Variants in DPP10 observed in about 807,000 individuals in gnomAD.
The protein encoded by DPP10 is inactive dipeptidyl peptidase 10.
DPP10 carries 33 observed loss-of-function variants against 120.9 expected under a neutral mutation model. The observed-to-expected ratio is 0.27, with a 90% CI of 0.21 to 0.37. The LOEUF (loss-of-function observed/expected upper bound fraction) is 0.37, where lower values mean the gene tolerates loss of function less well. Ranked by LOEUF, DPP10 falls within the 10% of genes least tolerant of loss-of-function variation. DPP10 has a pLI of 1.00. For missense variants in DPP10, 816 were observed against 942.8 expected (o/e 0.87, Z 1.76); for synonymous variants, 337 against 326.1 (o/e 1.03, Z -0.36).
chr2:115,512,397 C>T (rs2077281095), intron 4 of DPP10, among the ~76,000 whole-genome samples: 1 of 152,084 alleles, frequency 6.6e-6, no homozygotes, highest in Non-Finnish European at 1.5e-5. Flanking sequence ...CGCACATGGC[C>T]TAAGATTACA....
chr2:115,119,003 A>G (rs1354425122), intron 1 of DPP10, among the ~76,000 whole-genome samples: 1 of 152,176 alleles, frequency 6.6e-6, no homozygotes, highest in African/African-American at 2.4e-5. Context: ...GAAGAGGGTC[A>G]AGCAGGCAAC....
intron 2 of DPP10, among the ~76,000 whole-genome samples, chr2:115,334,485 GATT>G (rs1432690372): frequency 6.6e-6 from 1 of 151,320 alleles, no homozygotes; most frequent in Non-Finnish European, 1.5e-5. Flanking sequence ...TTGAACTATA[GATT>G]ATTATTTTTC....
intron 1 of DPP10, among the ~76,000 whole-genome samples, chr2:115,106,481 CA>C (rs1159479827): frequency 2.0e-5 from 3 of 152,116 alleles, no homozygotes; most frequent in Non-Finnish European, 4.4e-5. Context: ...TTTATTGAGA[CA>C]GGGGTCATGC....
intron 1 of DPP10, among the ~76,000 whole-genome samples, chr2:114,723,186 G>T (rs572373927): frequency 6.6e-6 from 1 of 152,180 alleles, no homozygotes; most frequent in African/African-American, 2.4e-5. Context: ...ATTAGGAAAG[G>T]TATGAACAAT....
chr2:114,564,471 A>T (rs1689048006), intron 1 of DPP10, among the ~76,000 whole-genome samples: 1 of 152,188 alleles, frequency 6.6e-6, no homozygotes. Context: ...TTTCATATTG[A>T]TTCTCATTAA....
At chr2:115,687,786 G>C (rs764922555) in intron 5 of DPP10, among the ~76,000 whole-genome samples, 6 of 152,030 alleles carry the variant, frequency 3.9e-5, no homozygotes, top group Non-Finnish European at 7.4e-5. Context: ...TGCAGAAAGA[G>C]ACCAAGATTC....
intron 1 of DPP10, among the ~76,000 whole-genome samples, chr2:114,751,270 A>G (rs1019525848): frequency 1.3e-5 from 2 of 152,218 alleles, no homozygotes; most frequent in East Asian, 1.9e-4. Context: ...ACTAAGCTTG[A>G]AGGTTCTGCA....
chr2:114,720,693 A>C (rs986994552), intron 1 of DPP10, among the ~76,000 whole-genome samples: 1 of 152,198 alleles, frequency 6.6e-6, no homozygotes, highest in African/African-American at 2.4e-5. Flanking sequence ...AGTAGAAATG[A>C]CTAGTGCTCA....
chr2:115,525,867 A>T (rs769578425), intron 4 of DPP10, 31 bp from the exon 5 acceptor site: 2 of 1,537,780 alleles, frequency 1.3e-6, no homozygotes, highest in Non-Finnish European at 1.8e-6. Flanking sequence ...AGAAGTTTTT[A>T]AATATAACTG....
intron 1 of DPP10, among the ~76,000 whole-genome samples, chr2:115,305,096 C>T (rs895273254): frequency 3.3e-5 from 5 of 152,132 alleles, no homozygotes; most frequent in Admixed American, 2.6e-4. Flanking sequence ...GGCTCATTTA[C>T]AAAAGTAGCA....
At chr2:114,629,151 T>C (rs541899298) in intron 1 of DPP10, among the ~76,000 whole-genome samples, 1 of 152,212 alleles carries the variant, frequency 6.6e-6, no homozygotes, top group East Asian at 1.9e-4. Flanking sequence ...GATGGCACCA[T>C]ATCCTCGTTG....
chr2:115,177,999 G>A (rs1201233877), intron 1 of DPP10, among the ~76,000 whole-genome samples: 1 of 152,060 alleles, frequency 6.6e-6, no homozygotes, highest in Non-Finnish European at 1.5e-5. Flanking sequence ...TCCTGACCTC[G>A]TGATCCACCT....
At chr2:115,213,981 A>G (rs2056668664) in intron 1 of DPP10, among the ~76,000 whole-genome samples, 2 of 152,304 alleles carry the variant, frequency 1.3e-5, no homozygotes, top group African/African-American at 2.4e-5. Context: ...GCTTTTTTTA[A>G]CCCATAAAAT....
intron 1 of DPP10, among the ~76,000 whole-genome samples, chr2:115,055,080 T>C (rs537030814): frequency 4.6e-5 from 7 of 152,340 alleles, no homozygotes; most frequent in Non-Finnish European, 8.8e-5. Context: ...TGTTGTTTAT[T>C]TGTATGGTGC....
chr2:114,612,826 A>C (rs1378877607), intron 1 of DPP10, among the ~76,000 whole-genome samples: 1 of 152,170 alleles, frequency 6.6e-6, no homozygotes, highest in Non-Finnish European at 1.5e-5. Context: ...CTAATTCTTA[A>C]AGTTATGTAT....
intron 1 of DPP10, among the ~76,000 whole-genome samples, chr2:114,455,217 A>G (rs1678501733): frequency 6.6e-6 from 1 of 150,978 alleles, no homozygotes; most frequent in Non-Finnish European, 1.5e-5. Context: ...TATTTAAGAC[A>G]ATAAGTTAGA....
intron 1 of DPP10, among the ~76,000 whole-genome samples, chr2:115,172,521 C>G (rs796164453): frequency 6.6e-6 from 1 of 152,030 alleles, no homozygotes; most frequent in African/African-American, 2.4e-5. Flanking sequence ...ATTTTTCAGA[C>G]ACATGTAATT....
intron 1 of DPP10, among the ~76,000 whole-genome samples, chr2:115,180,329 A>T (rs574814098): frequency 6.6e-6 from 1 of 152,202 alleles, no homozygotes; most frequent in Non-Finnish European, 1.5e-5. Context: ...TCCTGATTTC[A>T]TATTATAAAT....
At chr2:114,809,577 G>A (rs538412255) in intron 1 of DPP10, among the ~76,000 whole-genome samples, 9 of 152,164 alleles carry the variant, frequency 5.9e-5, no homozygotes, top group African/African-American at 1.9e-4. Context: ...TGTGACAATC[G>A]TGTGAAAGGG....
Sources: gnomAD v4.1 joint callset for allele counts (sites outside exome capture counted in the v4.1 genomes callset) on GRCh38, gnomAD v4.1.1 for gene constraint, MANE v1.5 for transcripts, NCBI Gene and HGNC (gene_info 2026-07-23, HGNC 2026-07-21) for gene names.